The following FAAH2 variants were observed in gnomAD, a reference collection of about 807,000 sequenced individuals.
FAAH2 encodes fatty acid amide hydrolase 2.
A neutral mutation model predicts 36.9 loss-of-function variants in FAAH2; 60 were observed. That is an observed-to-expected ratio of 1.63 (90% CI 1.32 to 2.02). The LOEUF (loss-of-function observed/expected upper bound fraction) is 2.02, where lower values mean the gene tolerates loss of function less well. FAAH2 is among the 30% of genes most tolerant of loss of function. FAAH2 has a pLI of 0.00. For missense variants in FAAH2, 689 were observed against 397.5 expected, an observed-to-expected ratio of 1.73 and a Z score of -6.23; for synonymous variants, 214 against 143.8, an observed-to-expected ratio of 1.49 and a Z score of -3.49.
chrX:57,269,362 G>A, the FAAH2 span, among the ~76,000 whole-genome samples: 1 of 110,907 alleles, frequency 9.0e-6, no homozygotes, highest in Admixed American at 9.6e-5. Flanking sequence ...ACTCAGCACT[G>A]GACAATATGG....
At chrX:57,459,864 G>A (rs1417034768) in intron 10 of FAAH2, among the ~76,000 whole-genome samples, 1 of 111,730 alleles carries the variant, frequency 9.0e-6, no homozygotes, top group Non-Finnish European at 1.9e-5. Context: ...AAGATCAAAG[G>A]TAGATAAATC....
At chrX:57,219,762 C>G in the FAAH2 span, among the ~76,000 whole-genome samples, 1 of 92,863 alleles carries the variant, frequency 1.1e-5, no homozygotes, top group Non-Finnish European at 2.1e-5. Context: ...GGGAAACTCC[C>G]GGTCCTCTGT....
the FAAH2 span, among the ~76,000 whole-genome samples, chrX:57,123,315 C>G: frequency 3.6e-5 from 4 of 111,844 alleles, no homozygotes; most frequent in African/African-American, 9.8e-5. Flanking sequence ...ATCCATGTCC[C>G]TACAAAGGAC....
At chrX:57,414,684 T>G (rs1403653906) in intron 7 of FAAH2, among the ~76,000 whole-genome samples, 1 of 111,263 alleles carries the variant, frequency 9.0e-6, no homozygotes, top group Non-Finnish European at 1.9e-5. Context: ...TTTCTTGTTT[T>G]GTTGTCTTTC....
At chrX:57,360,066 C>T (rs1232555028) in intron 5 of FAAH2, among the ~76,000 whole-genome samples, 2 of 107,743 alleles carry the variant, frequency 1.9e-5, no homozygotes, top group Non-Finnish European at 3.8e-5. Context: ...CTTATGGAAA[C>T]TTCTTTCTGC....
chrX:57,144,123 A>G, the FAAH2 span, among the ~76,000 whole-genome samples: 7 of 111,924 alleles, frequency 6.3e-5, no homozygotes, highest in African/African-American at 2.3e-4. Context: ...TGCACTTTCA[A>G]TATGTCATCC....
chrX:57,368,021 C>A (rs1440059797), intron 5 of FAAH2, among the ~76,000 whole-genome samples: 3 of 111,558 alleles, frequency 2.7e-5, no homozygotes, highest in South Asian at 7.5e-4. Context: ...TGAGGTTTTG[C>A]CATCATTACA....
chrX:57,366,448 T>A (rs2054417839), intron 5 of FAAH2, among the ~76,000 whole-genome samples: 2 of 112,278 alleles, frequency 1.8e-5, no homozygotes, highest in South Asian at 7.3e-4. Flanking sequence ...AGCCCATTGG[T>A]GACAACACTA....
At chrX:57,389,788 G>A (rs1373808493) in intron 7 of FAAH2, among the ~76,000 whole-genome samples, 1 of 110,400 alleles carries the variant, frequency 9.1e-6, no homozygotes, top group Non-Finnish European at 1.9e-5. Context: ...GTTTTGAATG[G>A]CTGTACAAAT....
At chrX:57,176,111 G>A in the FAAH2 span, among the ~76,000 whole-genome samples, 1 of 111,495 alleles carries the variant, frequency 9.0e-6, no homozygotes, top group South Asian at 3.7e-4. Flanking sequence ...GTATTTGCAT[G>A]TCTGTATCTC....
At chrX:57,342,261 C>T (rs892951427) in intron 5 of FAAH2, among the ~76,000 whole-genome samples, 7 of 111,044 alleles carry the variant, frequency 6.3e-5, no homozygotes, top group African/African-American at 1.3e-4. Context: ...AGCAAACTAA[C>T]GCAGGAACAG....
intron 7 of FAAH2, among the ~76,000 whole-genome samples, chrX:57,398,243 A>G (rs140739149): frequency 1.0e-3 from 113 of 112,130 alleles, no homozygotes; most frequent in African/African-American, 3.4e-3. Flanking sequence ...AAGACTTGGA[A>G]CCAACCCAAA....
At chrX:57,412,762 T>G (rs2055733984) in intron 7 of FAAH2, among the ~76,000 whole-genome samples, 1 of 111,649 alleles carries the variant, frequency 9.0e-6, no homozygotes, top group Non-Finnish European at 1.9e-5. Flanking sequence ...CTGGGTCAAA[T>G]GGTATTTCTG....
the FAAH2 span, among the ~76,000 whole-genome samples, chrX:57,210,648 A>T: frequency 3.5e-5 from 4 of 112,722 alleles, no homozygotes; most frequent in African/African-American, 1.3e-4. Context: ...AGTTAGCATA[A>T]CAGAGGTAAG....
chrX:57,479,751 G>T (rs761619793), intron 10 of FAAH2, among the ~76,000 whole-genome samples: 14 of 111,663 alleles, frequency 1.3e-4, no homozygotes, highest in African/African-American at 3.9e-4. Context: ...TAATCATGTG[G>T]TTTTTGTCTT....
chrX:57,444,530 G>C (rs2147164302), intron 8 of FAAH2, among the ~76,000 whole-genome samples: 1 of 111,784 alleles, frequency 8.9e-6, no homozygotes, highest in Admixed American at 9.5e-5. Context: ...GGCTAGGAAA[G>C]GGAATTCTCC....
chrX:57,439,050 C>T (rs928294989), intron 8 of FAAH2, among the ~76,000 whole-genome samples: 8 of 110,748 alleles, frequency 7.2e-5, no homozygotes, highest in African/African-American at 2.0e-4. Context: ...CAGATAGTGA[C>T]ACAATAAACA....
chrX:57,163,332 C>T, the FAAH2 span, among the ~76,000 whole-genome samples: 1 of 112,091 alleles, frequency 8.9e-6, no homozygotes, highest in African/African-American at 3.2e-5. Flanking sequence ...GTGCCCTGCC[C>T]CCAGAGGTGG....
At chrX:57,157,804 T>A in the FAAH2 span, among the ~76,000 whole-genome samples, 7 of 111,317 alleles carry the variant, frequency 6.3e-5, no homozygotes, top group Non-Finnish European at 1.3e-4. Flanking sequence ...TTTGCTCAGT[T>A]TAATTTTTAT....
Sources: allele counts gnomAD v4.1 joint callset (sites outside exome capture counted in the v4.1 genomes callset), GRCh38; gene constraint gnomAD v4.1.1; transcripts MANE v1.5; gene names NCBI Gene and HGNC (gene_info 2026-07-23, HGNC 2026-07-21).